The following CCDC138 variants were observed in gnomAD, a reference collection of about 807,000 sequenced individuals.
CCDC138 encodes coiled-coil domain containing 138, also known as coiled-coil domain-containing protein 138.
CCDC138 carries 66 observed loss-of-function variants against 82.3 expected under a neutral mutation model. That is an observed-to-expected ratio of 0.80 (90% CI 0.66 to 0.98). The LOEUF is 0.98. Ranked by LOEUF, CCDC138 falls within the 50% of genes least tolerant of loss-of-function variation. CCDC138 has a pLI of 0.00. For synonymous variants in CCDC138, 297 were observed against 265.4 expected, an observed-to-expected ratio of 1.12 and a Z score of -1.16; for missense variants, 816 against 758.9, an observed-to-expected ratio of 1.08 and a Z score of -0.88.
chr2:108,797,978 T>C (rs578120055), intron 5 of CCDC138, among the ~76,000 whole-genome samples: 11 of 131,024 alleles, frequency 8.4e-5, no homozygotes, highest in African/African-American at 2.0e-4. Context: ...TTTTTTTTTT[T>C]CTCCAGTGGT....
At chr2:108,817,645 A>G (rs966402785) in intron 10 of CCDC138, among the ~76,000 whole-genome samples, 1 of 152,188 alleles carries the variant, frequency 6.6e-6, no homozygotes, top group African/African-American at 2.4e-5. Context: ...CACAAAGGAC[A>G]TACAAATCTC....
In CCDC138 at chr2:108,853,060, A is replaced by G. The variant is rs1009056924; in HGVS notation, c.1517-3734A>G. On this transcript the variant is annotated intron_variant, in intron 12 of 14. Coordinates refer to ENST00000295124, the MANE Select transcript of CCDC138 (RefSeq NM_144978.3). ...CATAACCTTTCGTGAGATCTACCTT[A>G]AGAAATAATTGCAAAAGTAAAAATG... is the stretch of plus-strand genomic sequence containing the variant. Among the ~76,000 whole-genome samples the G allele has an allele frequency of 2.0e-5, 3 of 152,210 alleles. No homozygotes were observed. The East Asian group carries it at 5.8e-4, about 29-fold the overall frequency.
intron 10 of CCDC138, among the ~76,000 whole-genome samples, chr2:108,816,788 C>A (rs1482976212): frequency 6.6e-6 from 1 of 152,168 alleles, no homozygotes; most frequent in Non-Finnish European, 1.5e-5. Flanking sequence ...CTCCAAACTC[C>A]TAGCCTCAAG....
At chr2:108,814,499 A>G (rs1371540638) in intron 9 of CCDC138, among the ~76,000 whole-genome samples, 1 of 152,064 alleles carries the variant, frequency 6.6e-6, no homozygotes, top group Non-Finnish European at 1.5e-5. Flanking sequence ...TGAGAAAGTG[A>G]AAAATTGCTC....
chr2:108,885,008 A>G (rs1263084877), intron 2 of CCDC138: 1 of 152,250 alleles, frequency 6.6e-6, no homozygotes, highest in African/African-American at 2.4e-5. Flanking sequence ...GCTAATTGGA[A>G]TATTGTAATA....
At chr2:108,858,361 CAAAA>C (rs139044517) in intron 13 of CCDC138, among the ~76,000 whole-genome samples, 2 of 151,416 alleles carry the variant, frequency 1.3e-5, no homozygotes, top group Admixed American at 6.6e-5. Context: ...AACAAACAAA[CAAAA>C]AAAACACCAA....
At chr2:108,809,155 A>T (rs1418418214) in intron 7 of CCDC138, among the ~76,000 whole-genome samples, 1 of 152,116 alleles carries the variant, frequency 6.6e-6, no homozygotes, top group South Asian at 2.1e-4. Context: ...TGAGTTCTCT[A>T]TGCTGTTCCA....
intron 7 of CCDC138, among the ~76,000 whole-genome samples, chr2:108,807,287 A>G (rs2149723356): frequency 6.6e-6 from 1 of 152,346 alleles, no homozygotes; most frequent in Non-Finnish European, 1.5e-5. Context: ...TTTTGCCTAT[A>G]TAATAAGTCT....
chr2:108,870,810 G>A (rs1695119595), intron 13 of CCDC138, among the ~76,000 whole-genome samples: 1 of 152,174 alleles, frequency 6.6e-6, no homozygotes, highest in Non-Finnish European at 1.5e-5. Flanking sequence ...CAGGTGTTGG[G>A]GAAGAGGGAA....
intron 14 of CCDC138, among the ~76,000 whole-genome samples, chr2:108,874,863 C>T (rs1695792324): frequency 6.6e-6 from 1 of 151,924 alleles, no homozygotes; most frequent in Non-Finnish European, 1.5e-5. Context: ...CCTTATGGTG[C>T]CATGAAGCTG....
chr2:108,883,002 C>A (rs1305207817), intron 2 of CCDC138: 1 of 151,656 alleles, frequency 6.6e-6, no homozygotes, highest in Non-Finnish European at 1.5e-5. Flanking sequence ...TAAAAAAGAC[C>A]TTGTCTTCTT....
intron 3 of CCDC138, among the ~76,000 whole-genome samples, chr2:108,789,724 C>T (rs1339867565): frequency 6.6e-6 from 1 of 152,050 alleles, no homozygotes; most frequent in African/African-American, 2.4e-5. Context: ...AGAAGGTGGT[C>T]TGGGGAGATG....
intron 2 of CCDC138, chr2:108,883,967 G>T (rs1234857522): frequency 6.6e-6 from 1 of 152,274 alleles, no homozygotes; most frequent in East Asian, 1.9e-4. Context: ...TCCTAGGCTG[G>T]AGTGCAGTGG....
At chr2:108,822,215 G>C (rs992512294) in intron 10 of CCDC138, among the ~76,000 whole-genome samples, 1 of 152,060 alleles carries the variant, frequency 6.6e-6, no homozygotes, top group Admixed American at 6.5e-5. Context: ...AGAGACAAAG[G>C]ACACTATATA....
intron 11 of CCDC138, among the ~76,000 whole-genome samples, chr2:108,843,035 T>C (rs1466491662): frequency 6.6e-6 from 1 of 152,218 alleles, no homozygotes; most frequent in Non-Finnish European, 1.5e-5. Flanking sequence ...GGAAAGTTTA[T>C]TGTATTTACC....
At chr2:108,820,868 A>G (rs983370502) in intron 10 of CCDC138, among the ~76,000 whole-genome samples, 1 of 152,172 alleles carries the variant, frequency 6.6e-6, no homozygotes, top group Non-Finnish European at 1.5e-5. Flanking sequence ...ATGAAAGCAC[A>G]CTACACAGCA....
chr2:108,821,237 A>C (rs1345279472), intron 10 of CCDC138, among the ~76,000 whole-genome samples: 1 of 152,122 alleles, frequency 6.6e-6, no homozygotes, highest in Non-Finnish European at 1.5e-5. Context: ...ACGTGCCTGT[A>C]ATCCCAGCTA....
At chr2:108,788,422 A>G (rs1319545426) in intron 2 of CCDC138, among the ~76,000 whole-genome samples, 1 of 150,330 alleles carries the variant, frequency 6.7e-6, no homozygotes, top group Non-Finnish European at 1.5e-5. Context: ...CTCAGTCTCA[A>G]AAAAGAAAAA....
intron 3 of CCDC138, 155 bp from the exon 4 acceptor site, chr2:108,791,520 T>C: frequency 1.2e-6 from 1 of 832,406 alleles, no homozygotes; most frequent in Non-Finnish European, 2.0e-6. Flanking sequence ...TGTTAGTTTT[T>C]ACGTTTTTTC....
Sources: allele counts gnomAD v4.1 joint callset (sites outside exome capture counted in the v4.1 genomes callset), GRCh38; gene constraint gnomAD v4.1.1; transcripts MANE v1.5; gene names NCBI Gene and HGNC (gene_info 2026-07-23, HGNC 2026-07-21).